Variants in LARGE1 observed in about 807,000 individuals in gnomAD.
LARGE1 encodes xylosyl- and glucuronyltransferase LARGE1.
A neutral mutation model predicts 87.6 loss-of-function variants in LARGE1; 43 were observed. The observed-to-expected ratio is 0.49, with a 90% confidence interval of 0.38 to 0.63. The LOEUF (loss-of-function observed/expected upper bound fraction) is 0.63, where lower values mean the gene tolerates loss of function less well. Ranked by LOEUF, LARGE1 falls within the 30% of genes least tolerant of loss-of-function variation. LARGE1 has a pLI of 0.00. For missense variants in LARGE1, 802 were observed against 1,000.2 expected (o/e 0.80, Z 2.67); for synonymous variants, 434 against 394.6 (o/e 1.10, Z -1.18).
chr22:33,910,144 CTT>C (rs1393174656), intron 1 of LARGE1, among the ~76,000 whole-genome samples: 1 of 152,150 alleles, frequency 6.6e-6, no homozygotes, highest in African/African-American at 2.4e-5. Context: ...TCTATTGTTG[CTT>C]AACTTATGAC....
chr22:33,384,342 AT>A, intron 7 of LARGE1, 38 bp from the exon 8 acceptor site: 1 of 1,491,112 alleles, frequency 6.7e-7, no homozygotes, highest in South Asian at 1.1e-5. Context: ...AAATTAAAAA[AT>A]AAAAAAGATG....
intron 6 of LARGE1, among the ~76,000 whole-genome samples, chr22:33,502,576 G>A: frequency 6.7e-6 from 1 of 149,822 alleles, no homozygotes; most frequent in East Asian, 1.9e-4. Context: ...CCTGCCACGT[G>A]CTTTTTTTTT....
At chr22:33,613,425 C>T (rs1007546290) in intron 4 of LARGE1, among the ~76,000 whole-genome samples, 4 of 152,184 alleles carry the variant, frequency 2.6e-5, no homozygotes, top group Admixed American at 2.0e-4. Context: ...AACCAGATGG[C>T]CCCACTTTCA....
At chr22:33,205,285 A>G (rs1163200962) in intron 11 of LARGE1, among the ~76,000 whole-genome samples, 1 of 152,194 alleles carries the variant, frequency 6.6e-6, no homozygotes, top group Non-Finnish European at 1.5e-5. Context: ...AAAATACCTA[A>G]AATAAACTGA....
intron 7 of LARGE1, among the ~76,000 whole-genome samples, chr22:33,396,463 C>CAGAGAGAGAGAGAGAGAGAGAGAGAG (rs3071529): frequency 1.1e-4 from 12 of 104,722 alleles, no homozygotes; most frequent in South Asian, 3.6e-4. Context: ...GAGAGAGTGA[C>CAGAGAGAGAGAGAGAGAGAGAGAGAG]AGAGAGAGAG....
chr22:33,243,976 TAC>T (rs1458237352), intron 11 of LARGE1, among the ~76,000 whole-genome samples: 2 of 152,078 alleles, frequency 1.3e-5, no homozygotes, highest in Non-Finnish European at 2.9e-5. Flanking sequence ...TGTGGTGGTT[TAC>T]AGTTTTTTGT....
At chr22:33,479,602 T>C (rs2069223812) in intron 6 of LARGE1, among the ~76,000 whole-genome samples, 1 of 152,194 alleles carries the variant, frequency 6.6e-6, no homozygotes, top group South Asian at 2.1e-4. Context: ...TTTGGAAAAT[T>C]AGCAGTAAAT....
chr22:33,475,641 T>G (rs1018807925), intron 6 of LARGE1, among the ~76,000 whole-genome samples: 6 of 152,104 alleles, frequency 3.9e-5, no homozygotes, highest in South Asian at 2.1e-4. Context: ...TTTTGTATTT[T>G]TAGTAGAGAC....
intron 2 of LARGE1, among the ~76,000 whole-genome samples, chr22:33,668,488 A>G (rs2081324877): frequency 6.6e-6 from 1 of 152,210 alleles, no homozygotes; most frequent in South Asian, 2.1e-4. Context: ...TATTTACCTT[A>G]TTATATCGGT....
chr22:33,211,561 C>T (rs1203461056), intron 11 of LARGE1, among the ~76,000 whole-genome samples: 1 of 152,120 alleles, frequency 6.6e-6, no homozygotes, highest in East Asian at 1.9e-4. Flanking sequence ...CACCTGAGGT[C>T]AGGAGTCCGA....
chr22:33,600,977 G>A (rs915165867), intron 5 of LARGE1, among the ~76,000 whole-genome samples: 7 of 152,134 alleles, frequency 4.6e-5, no homozygotes. Flanking sequence ...GGCCGAGGCA[G>A]AAGAATCACT....
intron 5 of LARGE1, among the ~76,000 whole-genome samples, chr22:33,596,753 G>A (rs2078986492): frequency 6.6e-6 from 1 of 152,184 alleles, no homozygotes; most frequent in Non-Finnish European, 1.5e-5. Flanking sequence ...ATGAAAGGCA[G>A]CCACATTAGG....
intron 9 of LARGE1, among the ~76,000 whole-genome samples, chr22:33,363,983 T>A (rs1326461041): frequency 1.3e-5 from 2 of 149,696 alleles, no homozygotes; most frequent in African/African-American, 4.9e-5. Context: ...CCCTCAGGGA[T>A]GACCCAAGAA....
chr22:33,568,043 A>G (rs1319564771), intron 5 of LARGE1, among the ~76,000 whole-genome samples: 1 of 152,212 alleles, frequency 6.6e-6, no homozygotes, highest in African/African-American at 2.4e-5. Flanking sequence ...AATTAGGGGC[A>G]GTAACAAGAA....
chr22:33,104,947 C>CTTTCTT, the LARGE1 span, among the ~76,000 whole-genome samples: 2 of 119,664 alleles, frequency 1.7e-5, no homozygotes, highest in Non-Finnish European at 1.8e-5. Context: ...TTCTTTCTTT[C>CTTTCTT]TCTTTCTCTC....
intron 9 of LARGE1, among the ~76,000 whole-genome samples, chr22:33,375,012 T>G (rs1366222631): frequency 6.6e-6 from 1 of 152,154 alleles, no homozygotes; most frequent in Non-Finnish European, 1.5e-5. Flanking sequence ...AATAAAAACT[T>G]TAAGATCAAT....
intron 11 of LARGE1, among the ~76,000 whole-genome samples, chr22:33,236,505 G>A (rs572982156): frequency 6.6e-6 from 1 of 152,322 alleles, no homozygotes; most frequent in East Asian, 1.9e-4. Flanking sequence ...TTTGGGAAGT[G>A]CTGGAACATG....
At chr22:33,653,417 G>A (rs1431916601) in intron 2 of LARGE1, among the ~76,000 whole-genome samples, 1 of 152,186 alleles carries the variant, frequency 6.6e-6, no homozygotes, top group Non-Finnish European at 1.5e-5. Context: ...GAGACTGAGA[G>A]GGTCTTCCTT....
At chr22:33,439,163 G>A (rs1027282545) in intron 6 of LARGE1, among the ~76,000 whole-genome samples, 4 of 150,764 alleles carry the variant, frequency 2.7e-5, no homozygotes, top group African/African-American at 4.9e-5. Flanking sequence ...GCAGTGAACC[G>A]AGACTGCGCC....
Sources: gnomAD v4.1 joint callset for allele counts (sites outside exome capture counted in the v4.1 genomes callset) on GRCh38, gnomAD v4.1.1 for gene constraint, MANE v1.5 for transcripts, NCBI Gene and HGNC (gene_info 2026-07-23, HGNC 2026-07-21) for gene names.